The following PCSK5 variants were observed in gnomAD, a reference collection of about 807,000 sequenced individuals.
The protein encoded by PCSK5 is prohormone convertase 5.
In PCSK5, 129 loss-of-function variants were observed where a neutral mutation model predicts 233.2. The ratio of observed to expected loss-of-function variants is 0.55; its 90% CI spans 0.48 to 0.64. The LOEUF (loss-of-function observed/expected upper bound fraction) is 0.64, where lower values mean the gene tolerates loss of function less well. PCSK5 is among the 30% of genes least tolerant of loss of function. The pLI, the probability that PCSK5 is intolerant of heterozygous loss-of-function variation, is 0.00. For synonymous variants in PCSK5, 825 were observed against 879.2 expected (o/e 0.94, Z 1.09); for missense variants, 2,076 against 2,430.1 (o/e 0.85, Z 3.06).
At chr9:76,007,221 T>A (rs1827516188) in intron 3 of PCSK5, among the ~76,000 whole-genome samples, 1 of 152,242 alleles carries the variant, frequency 6.6e-6, no homozygotes, top group Admixed American at 6.5e-5. Flanking sequence ...AAAATATTTC[T>A]TTGAGCTGTA....
chr9:76,094,623 A>G (rs1831430531), intron 7 of PCSK5, among the ~76,000 whole-genome samples: 1 of 151,704 alleles, frequency 6.6e-6, no homozygotes, highest in Non-Finnish European at 1.5e-5. Flanking sequence ...TTTTTTTTCA[A>G]GATGGAGTCT....
intron 5 of PCSK5, among the ~76,000 whole-genome samples, chr9:76,036,923 A>G (rs1828882801): frequency 1.3e-5 from 2 of 152,258 alleles, no homozygotes; most frequent in Admixed American, 1.3e-4. Flanking sequence ...TGTGTTCAGT[A>G]AACACTTAAT....
intron 20 of PCSK5, among the ~76,000 whole-genome samples, chr9:76,196,445 T>C (rs572219854): frequency 6.6e-6 from 1 of 152,236 alleles, no homozygotes; most frequent in Non-Finnish European, 1.5e-5. Flanking sequence ...CTGAACGAGC[T>C]AGCTAAAAAC....
intron 12 of PCSK5, among the ~76,000 whole-genome samples, chr9:76,161,767 C>T (rs537598352): frequency 5.3e-5 from 8 of 152,172 alleles, no homozygotes; most frequent in African/African-American, 1.2e-4. Flanking sequence ...GCTTCAGGCT[C>T]GCATGCATTC....
chr9:75,902,793 A>G (rs1826098026), intron 1 of PCSK5, among the ~76,000 whole-genome samples: 1 of 152,184 alleles, frequency 6.6e-6, no homozygotes, highest in Admixed American at 6.5e-5. Flanking sequence ...TCTCTGCTTT[A>G]CACATCTGTG....
chr9:76,251,158 T>C (rs1380674286), intron 24 of PCSK5, among the ~76,000 whole-genome samples: 1 of 152,118 alleles, frequency 6.6e-6, no homozygotes, highest in East Asian at 1.9e-4. Context: ...TTCTAGCTGC[T>C]TGGGATACTG....
At chr9:76,256,476 C>G (rs565895778) in intron 24 of PCSK5, among the ~76,000 whole-genome samples, 2 of 152,248 alleles carry the variant, frequency 1.3e-5, no homozygotes, top group Non-Finnish European at 1.5e-5. Flanking sequence ...CTGCCAGTCT[C>G]GAAAGCAATG....
chr9:76,181,762 A>G (rs942247748), intron 16 of PCSK5, among the ~76,000 whole-genome samples, 171 bp downstream of exon 16: 13 of 152,210 alleles, frequency 8.5e-5, no homozygotes, highest in Admixed American at 8.5e-4. Flanking sequence ...AAAAATGCTT[A>G]TAACTTTGTC....
At chr9:76,189,061 T>G in intron 18 of PCSK5, 33 bp from the exon 19 acceptor site, 1 of 1,606,266 alleles carries the variant, frequency 6.2e-7, no homozygotes, top group Non-Finnish European at 8.5e-7. Flanking sequence ...TGAGGTTTTA[T>G]TTCTCGTTTC....
At chr9:76,280,781 C>G (rs1174469785) in intron 24 of PCSK5, among the ~76,000 whole-genome samples, 1 of 151,910 alleles carries the variant, frequency 6.6e-6, no homozygotes, top group Non-Finnish European at 1.5e-5. Context: ...ATCTAGGTCT[C>G]TGGCACCAAA....
At chr9:76,115,104 A>G (rs765657866) in intron 9 of PCSK5, among the ~76,000 whole-genome samples, 8 of 152,162 alleles carry the variant, frequency 5.3e-5, no homozygotes, top group Non-Finnish European at 1.0e-4. Flanking sequence ...AAATTGTGAT[A>G]TCATCTATGG....
intron 24 of PCSK5, among the ~76,000 whole-genome samples, chr9:76,254,946 T>C (rs1256708468): frequency 6.6e-6 from 1 of 152,190 alleles, no homozygotes; most frequent in Non-Finnish European, 1.5e-5. Flanking sequence ...ACTCCCAATG[T>C]TTCTAATTTA....
Position 76,189,614 on chromosome 9 carries a change from G to A in PCSK5, c.2511-17G>A, listed in dbSNP as rs1248087704. The A allele has an allele frequency of 6.6e-7, 1 of 1,520,672 alleles. No individual in the cohort carries two copies. The highest frequency in any genetic ancestry group is 1.4e-5 in the African/African-American group (1 of 73,104). The allele number at this position is 1,520,672 out of a possible 1,614,324, so 94.2% of individuals were successfully genotyped here. On this transcript the variant is annotated splice_polypyrimidine_tract_variant and intron_variant, in intron 19 of 37. Transcript: ENST00000674117. ...GCATGTGTGAATGGATTAAAAAATT[G>A]TACATTTTTCTCATAGATGTGATAT...
chr9:75,937,152 G>A (rs1824091717), intron 2 of PCSK5, among the ~76,000 whole-genome samples: 1 of 151,314 alleles, frequency 6.6e-6, no homozygotes, highest in Admixed American at 6.6e-5. Flanking sequence ...CACTTATGGA[G>A]CACAGGCAGA....
chr9:76,181,666 G>C (rs1823878749), intron 16 of PCSK5, 75 bp downstream of exon 16: 8 of 948,504 alleles, frequency 8.4e-6, no homozygotes, highest in Non-Finnish European at 1.1e-5. Flanking sequence ...AGGAGGGATA[G>C]CCTCTTTGTG....
At chr9:76,110,065 C>T (rs1832148016) in intron 9 of PCSK5, among the ~76,000 whole-genome samples, 1 of 152,156 alleles carries the variant, frequency 6.6e-6, no homozygotes, top group African/African-American at 2.4e-5. Context: ...ACTATTGCTT[C>T]TCAACAGCCC....
In PCSK5 at chr9:76,096,184, T is replaced by TAC. The variant is rs1304852371; in HGVS notation, c.1107+83_1107+84insCA. The TAC allele has an allele frequency of 1.6e-4, 116 of 709,568 alleles. No homozygotes were observed. In the African/African-American group the frequency reaches 2.4e-3, roughly 15 times the overall value. 44.0% of individuals were successfully genotyped at this position (709,568 alleles called of 1,614,324 possible). On this transcript the variant is annotated intron_variant, in intron 8 of 37. Transcript: ENST00000674117. Reference sequence around the variant, plus strand: ...ACAAAGGGAGAACCATAAACATATATATATATACACACACACACACACACA... The same window carrying TAC: ...ACAAAGGGAGAACCATAAACATATATACATATATACACACACACACACACACA...
intron 2 of PCSK5, among the ~76,000 whole-genome samples, chr9:75,975,723 G>T (rs1488109774): frequency 6.6e-6 from 1 of 152,158 alleles, no homozygotes; most frequent in Non-Finnish European, 1.5e-5. Flanking sequence ...TGTCATTCTT[G>T]CAGTTATCTA....
At chr9:76,161,230 A>C (rs1443649275) in intron 12 of PCSK5, among the ~76,000 whole-genome samples, 1 of 152,162 alleles carries the variant, frequency 6.6e-6, no homozygotes, top group Non-Finnish European at 1.5e-5. Flanking sequence ...GGTGCAAGGA[A>C]CATAAGGATT....
Sources: allele counts gnomAD v4.1 joint callset (sites outside exome capture counted in the v4.1 genomes callset), GRCh38; gene constraint gnomAD v4.1.1; transcripts MANE v1.5; gene names NCBI Gene and HGNC (gene_info 2026-07-23, HGNC 2026-07-21).